The following ABHD10 variants were observed in gnomAD, a reference collection of about 807,000 sequenced individuals.
ABHD10 encodes the protein palmitoyl-protein thioesterase ABHD10, mitochondrial.
A neutral mutation model predicts 33.1 loss-of-function variants in ABHD10; 22 were observed. That is an observed-to-expected ratio of 0.66 (90% confidence interval 0.47 to 0.95). ABHD10 has a LOEUF of 0.95. Ranked by LOEUF, ABHD10 falls within the 40% of genes least tolerant of loss-of-function variation. The pLI is 0.00. For missense variants in ABHD10, 352 were observed against 379.9 expected, an observed-to-expected ratio of 0.93 and a Z score of 0.61; for synonymous variants, 146 against 133.9, an observed-to-expected ratio of 1.09 and a Z score of -0.62.
At chr3:111,985,446 C>T (rs958892035) in intron 2 of ABHD10, among the ~76,000 whole-genome samples, 5 of 152,198 alleles carry the variant, frequency 3.3e-5, no homozygotes, top group Non-Finnish European at 5.9e-5. Flanking sequence ...TAAATATACA[C>T]TAAGCACCTA....
chr3:111,981,722 T>C (rs1180367665), intron 1 of ABHD10, 62 bp from the exon 2 acceptor site: 1 of 1,355,358 alleles, frequency 7.4e-7, no homozygotes, highest in Non-Finnish European at 9.9e-7. Context: ...ATCGAAAATA[T>C]ATATGGTTTT....
rs1041146691 is a variant in ABHD10 at position 111,991,707 on chromosome 3, A to G, written c.907A>G (p.Thr303Ala). The G allele has an allele frequency of 6.2e-7, 1 of 1,610,248 alleles. No homozygotes were observed. Among genetic ancestry groups the G allele is most frequent in the Non-Finnish European group, 8.5e-7 (1 of 1,177,588 alleles). ...TIDDLIDKLS[T>A]IVN ...TGATGACTTAATTGATAAGCTCTCA[A>G]CTATAGTTAACTAGTATCACATGTT... Residue 303 changes from threonine to alanine, a missense_variant, in exon 5 of 5, where the codon ACT becomes GCT. Physicochemically the swap from Thr to Ala is moderately conservative, Grantham distance 58 (BLOSUM62 0). Transcript: ENST00000273359.
chr3:111,982,359 TATC>T (rs1449823901), intron 2 of ABHD10: 1 of 154,750 alleles, frequency 6.5e-6, no homozygotes, highest in African/African-American at 2.4e-5. Flanking sequence ...TATTTAAAAG[TATC>T]ATAATGCAAA....
At position 111,992,772 on chromosome 3, in the gene ABHD10, T is replaced by C. The variant is rs771417699; in HGVS notation, c.*1051T>C. The stretch of plus-strand genomic sequence containing the variant: ...AAGATGAGCATGTGTCGAAGACTTA[T>C]TCGACTCATTAATGAGGAAACCAGC... On this transcript the variant is annotated 3_prime_UTR_variant, in exon 5 of 5. Transcript: ENST00000273359. 1 of 152,216 alleles carries C rather than the reference T, an allele frequency of 6.6e-6. No individual in the cohort carries two copies. The highest frequency in any genetic ancestry group is 2.4e-5 in the African/African-American group (1 of 41,466). The allele number at this position is 152,216 out of a possible 1,614,324, so 9.4% of individuals were successfully genotyped here.
At chr3:111,987,794 T>C (rs186445936) in intron 4 of ABHD10, among the ~76,000 whole-genome samples, 47 of 152,336 alleles carry the variant, frequency 3.1e-4, no homozygotes, top group Non-Finnish European at 5.3e-4. Flanking sequence ...TATGGAGAGC[T>C]GACTGTCTTT....
chr3:111,990,719 A>G (rs745442857), intron 4 of ABHD10: 6 of 1,434,358 alleles, frequency 4.2e-6, no homozygotes, highest in South Asian at 2.8e-5. Context: ...AGGAAAAACT[A>G]TATTTCTTTA....
intron 2 of ABHD10, among the ~76,000 whole-genome samples, chr3:111,985,821 GGA>G (rs1397061546): frequency 1.3e-5 from 2 of 151,818 alleles, no homozygotes; most frequent in African/African-American, 4.8e-5. Flanking sequence ...AGGGAGGGAG[GGA>G]GAGAGAGAAA....
intron 4 of ABHD10, among the ~76,000 whole-genome samples, chr3:111,989,742 CATTTTATA>C (rs1266030320): frequency 6.6e-6 from 1 of 151,610 alleles, no homozygotes; most frequent in African/African-American, 2.4e-5. Flanking sequence ...GATTTATATA[CATTTTATA>C]GTTTTGTAGA....
chr3:111,986,206 A>G, intron 2 of ABHD10, 58 bp from the exon 3 acceptor site: 2 of 956,920 alleles, frequency 2.1e-6, no homozygotes, highest in Admixed American at 4.3e-5. Context: ...TCTTTCTTAA[A>G]AATTAAAGAA....
In ABHD10 at chr3:111,981,957, G is replaced by T; in HGVS notation, c.316G>T (p.Ala106Ser). 1 of 1,551,734 alleles carries T rather than the reference G, an allele frequency of 6.4e-7. No individual in the cohort carries two copies. The highest frequency in any genetic ancestry group is 1.2e-5 in the South Asian group (1 of 81,522). Residue 106 changes from alanine to serine, a missense_variant, in exon 2 of 5, where the codon GCC becomes TCC. Ala to Ser is a moderately conservative substitution (Grantham distance 99, BLOSUM62 1). Transcript: ENST00000273359. ...GGAGTTTTGCAAATCTCTAGGTCAC[G>T]CCTGCATAAGGTAGGAACAACACAT... Reference protein sequence around the residue: ...IEEFCKSLGHACIRFDYSGVG... With the variant: ...IEEFCKSLGHSCIRFDYSGVG...
intron 2 of ABHD10, among the ~76,000 whole-genome samples, chr3:111,984,194 T>C (rs1386870152): frequency 1.3e-5 from 2 of 152,166 alleles, no homozygotes; most frequent in African/African-American, 4.8e-5. Flanking sequence ...TTACATACCC[T>C]GGATTGAGGG....
intron 2 of ABHD10, 48 bp downstream of exon 2, chr3:111,982,015 A>G: frequency 1.5e-6 from 2 of 1,351,378 alleles, no homozygotes; most frequent in Non-Finnish European, 2.0e-6. Context: ...TTAGCATTAC[A>G]GTGGAGAATT....
chr3:111,980,104 G>A (rs1030341961), intron 1 of ABHD10, among the ~76,000 whole-genome samples: 10 of 152,138 alleles, frequency 6.6e-5, no homozygotes, highest in African/African-American at 2.4e-4. Context: ...TATGTTCAAA[G>A]ATGATTTATG....
intron 1 of ABHD10, 145 bp downstream of exon 1, chr3:111,979,348 T>A: frequency 9.5e-7 from 1 of 1,047,504 alleles, no homozygotes; most frequent in Non-Finnish European, 1.3e-6. Flanking sequence ...AGGCGCTTTG[T>A]AGACTTCTGG....
intron 1 of ABHD10, among the ~76,000 whole-genome samples, chr3:111,981,494 G>C (rs6783549): frequency 0.21 from 31,355 of 151,780 alleles, 3,315 homozygotes; most frequent in Middle Eastern, 0.28. Context: ...AATGTTTTTC[G>C]ATTAGTCTCT....
chr3:111,983,985 T>C (rs1225760776), intron 2 of ABHD10, among the ~76,000 whole-genome samples: 1 of 152,136 alleles, frequency 6.6e-6, no homozygotes, highest in East Asian at 1.9e-4. Flanking sequence ...TGGTACCCTG[T>C]TAGTATCACC....
intron 2 of ABHD10, among the ~76,000 whole-genome samples, chr3:111,985,748 C>T (rs961365177): frequency 2.0e-5 from 3 of 151,618 alleles, no homozygotes; most frequent in African/African-American, 7.3e-5. Flanking sequence ...GGAGAGTATG[C>T]CATGTGGAGA....
intron 2 of ABHD10, among the ~76,000 whole-genome samples, chr3:111,983,074 G>C (rs2107710133): frequency 6.6e-6 from 1 of 152,132 alleles, no homozygotes. Context: ...TGCCTATGAG[G>C]ACCTTTCATT....
chr3:111,987,195 T>C (rs2072679182), intron 4 of ABHD10, 144 bp downstream of exon 4: 1 of 758,166 alleles, frequency 1.3e-6, no homozygotes, highest in Non-Finnish European at 2.1e-6. Context: ...TAGCTGCCTT[T>C]CTGTACACAA....
Sources: gnomAD v4.1 joint callset for allele counts (sites outside exome capture counted in the v4.1 genomes callset) on GRCh38, gnomAD v4.1.1 for gene constraint, MANE v1.5 for transcripts, NCBI Gene and HGNC (gene_info 2026-07-23, HGNC 2026-07-21) for gene names.